The following PCDHAC1 variants were observed in gnomAD, a reference collection of about 807,000 sequenced individuals.
PCDHAC1 encodes the protein protocadherin alpha-C1.
PCDHAC1 carries 42 observed loss-of-function variants against 60.0 expected under a neutral mutation model. The observed-to-expected ratio is 0.70, with a 90% confidence interval of 0.55 to 0.90. PCDHAC1 has a LOEUF of 0.90. PCDHAC1 is among the 40% of genes least tolerant of loss of function. The pLI, the probability that PCDHAC1 is intolerant of heterozygous loss-of-function variation, is 0.00. For missense variants in PCDHAC1, 1,160 were observed against 1,222.3 expected (o/e 0.95, Z 0.76); for synonymous variants, 468 against 499.3 (o/e 0.94, Z 0.84).
At chr5:140,935,253 A>G (rs1469038997) in intron 1 of PCDHAC1, among the ~76,000 whole-genome samples, 1 of 152,226 alleles carries the variant, frequency 6.6e-6, no homozygotes, top group Non-Finnish European at 1.5e-5. Flanking sequence ...GATAAAATAC[A>G]TCACATGTTT....
chr5:140,965,259 A>G (rs1257686866), intron 1 of PCDHAC1, among the ~76,000 whole-genome samples: 1 of 152,218 alleles, frequency 6.6e-6, no homozygotes, highest in African/African-American at 2.4e-5. Context: ...AGAACTGAGC[A>G]GCAGAGGCAA....
At chr5:140,967,780 T>C in intron 1 of PCDHAC1, 1 of 1,614,214 alleles carries the variant, frequency 6.2e-7, no homozygotes, top group Non-Finnish European at 8.5e-7. Context: ...TGCAGGCGAC[T>C]GACCGGGGTC....
chr5:140,981,881 C>G (rs138571007), intron 2 of PCDHAC1, among the ~76,000 whole-genome samples: 1 of 152,158 alleles, frequency 6.6e-6, no homozygotes, highest in Non-Finnish European at 1.5e-5. Context: ...CTGAATTAAT[C>G]TCTTCTGAGC....
chr5:140,992,857 CTCT>C (rs2097531206), intron 3 of PCDHAC1, among the ~76,000 whole-genome samples: 2 of 152,148 alleles, frequency 1.3e-5, no homozygotes, highest in Non-Finnish European at 2.9e-5. Context: ...ACCAGTTTCA[CTCT>C]AGCTCCCTCC....
chr5:140,967,090 G>A (rs1320117719), intron 1 of PCDHAC1: 2 of 1,613,240 alleles, frequency 1.2e-6, no homozygotes, highest in African/African-American at 2.7e-5. Context: ...TTGATCGGGA[G>A]GCGCTGTGTG....
chr5:140,981,791 C>G (rs564396430), intron 2 of PCDHAC1, among the ~76,000 whole-genome samples: 2 of 152,000 alleles, frequency 1.3e-5, no homozygotes, highest in Non-Finnish European at 2.9e-5. Flanking sequence ...GTTCTCTTTT[C>G]CCTTGAACAG....
At chr5:140,950,580 C>T (rs2094499075) in intron 1 of PCDHAC1, among the ~76,000 whole-genome samples, 1 of 151,958 alleles carries the variant, frequency 6.6e-6, no homozygotes, top group South Asian at 2.1e-4. Context: ...TTTCTACTTA[C>T]CTTTGGTTTA....
At chr5:140,937,769 G>C (rs908179495) in intron 1 of PCDHAC1, among the ~76,000 whole-genome samples, 1 of 151,776 alleles carries the variant, frequency 6.6e-6, no homozygotes, top group Non-Finnish European at 1.5e-5. Context: ...AAAATTAGTC[G>C]GGCGTGGTGG....
At chr5:140,959,583 A>G (rs529440681) in intron 1 of PCDHAC1, among the ~76,000 whole-genome samples, 10 of 152,332 alleles carry the variant, frequency 6.6e-5, no homozygotes, top group Admixed American at 1.3e-4. Flanking sequence ...TTTCAATTCT[A>G]TCAGCCAAGT....
chr5:140,987,207 C>A (rs1475441121), intron 3 of PCDHAC1, among the ~76,000 whole-genome samples: 1 of 148,672 alleles, frequency 6.7e-6, no homozygotes, highest in African/African-American at 2.5e-5. Context: ...GAGTGAGACT[C>A]CATCTCAAAA....
intron 1 of PCDHAC1, among the ~76,000 whole-genome samples, chr5:140,949,539 A>G (rs971813092): frequency 6.6e-6 from 1 of 151,744 alleles, no homozygotes; most frequent in Admixed American, 6.6e-5. Context: ...TAAAATATCG[A>G]TTTGTTGCTG....
In PCDHAC1 at chr5:140,968,804, G is replaced by T. The variant is rs147800392; in HGVS notation, c.2434-10145G>T. ...AGCCTCTGTGGCCATTACAGTAGCT[G>T]TGGTGGATAGGGTTTCCAAAATCCT... On this transcript the variant is annotated intron_variant, in intron 1 of 3. Transcript: ENST00000253807. 703 of 1,614,106 alleles carry T rather than the reference G, an allele frequency of 4.4e-4. No homozygotes were observed. The highest frequency in any genetic ancestry group is 5.7e-4 in the Non-Finnish European group (677 of 1,180,052).
In PCDHAC1 at chr5:140,968,153, A is replaced by G; in HGVS notation, c.2434-10796A>G. 2 of 1,614,142 alleles carry G rather than the reference A, an allele frequency of 1.2e-6. No individual in the cohort carries two copies. The highest frequency in any genetic ancestry group is 8.5e-7 in the Non-Finnish European group (1 of 1,180,046). On this transcript the variant is annotated intron_variant, in intron 1 of 3. Coordinates refer to ENST00000253807, the MANE Select transcript of PCDHAC1 (RefSeq NM_018898.5). ...ACTGAAGGTTGAGATCTCTGACATC[A>G]ATGACAATCCACCAAGCTTCCTGGA...
intron 3 of PCDHAC1, among the ~76,000 whole-genome samples, chr5:141,000,397 A>C (rs590627): frequency 0.074 from 4,330 of 58,694 alleles, 135 homozygotes; most frequent in Non-Finnish European, 0.096. Flanking sequence ...CTCTCTCTCT[A>C]TATATATATA....
chr5:140,934,053 G>A (rs2089601827), intron 1 of PCDHAC1, among the ~76,000 whole-genome samples: 1 of 151,758 alleles, frequency 6.6e-6, no homozygotes, highest in African/African-American at 2.4e-5. Flanking sequence ...GTCTTTCCAA[G>A]GCTAACTTTT....
At chr5:140,983,783 G>A (rs2097068046) in intron 3 of PCDHAC1, among the ~76,000 whole-genome samples, 1 of 152,130 alleles carries the variant, frequency 6.6e-6, no homozygotes, top group Non-Finnish European at 1.5e-5. Context: ...ATACATAACA[G>A]ATGACAGAAT....
intron 1 of PCDHAC1, among the ~76,000 whole-genome samples, chr5:140,944,361 A>G (rs1463339181): frequency 6.6e-6 from 1 of 151,888 alleles, no homozygotes; most frequent in Non-Finnish European, 1.5e-5. Flanking sequence ...CTAATTTTTA[A>G]TTTTTTATAG....
intron 3 of PCDHAC1, among the ~76,000 whole-genome samples, chr5:140,987,711 T>C (rs2097265419): frequency 6.6e-6 from 1 of 152,208 alleles, no homozygotes; most frequent in South Asian, 2.1e-4. Flanking sequence ...TTTCCAGGTA[T>C]GAGTCTATCC....
chr5:140,933,333 A>G (rs1215342457), intron 1 of PCDHAC1, among the ~76,000 whole-genome samples: 1 of 152,032 alleles, frequency 6.6e-6, no homozygotes, highest in Non-Finnish European at 1.5e-5. Flanking sequence ...TGTGCTGTAG[A>G]GAAAGATAAA....
Sources: allele counts gnomAD v4.1 joint callset (sites outside exome capture counted in the v4.1 genomes callset), GRCh38; gene constraint gnomAD v4.1.1; transcripts MANE v1.5; gene names NCBI Gene and HGNC (gene_info 2026-07-23, HGNC 2026-07-21).